Variants in GLUD1 observed in about 807,000 individuals in gnomAD.
GLUD1 encodes glutamate dehydrogenase 1, mitochondrial.
In GLUD1, 22 loss-of-function variants were observed where a neutral mutation model predicts 56.0. The observed-to-expected ratio is 0.39, with a 90% CI of 0.28 to 0.56. GLUD1 has a LOEUF of 0.56. Ranked by LOEUF, GLUD1 falls within the 20% of genes least tolerant of loss-of-function variation. GLUD1 has a pLI of 0.58. For synonymous variants in GLUD1, 223 were observed against 269.9 expected (o/e 0.83, Z 1.70); for missense variants, 451 against 732.0 (o/e 0.62, Z 4.43).
chr10:87,090,754 T>C (rs1841492885), intron 1 of GLUD1, among the ~76,000 whole-genome samples: 1 of 152,230 alleles, frequency 6.6e-6, no homozygotes, highest in South Asian at 2.1e-4. Flanking sequence ...TGGCAGCAGA[T>C]GCAGACACAC....
At position 87,059,190 on chromosome 10, in the gene GLUD1, C is replaced by T; in HGVS notation, c.1362G>A (p.Leu454=). Residue 454 remains leucine (L), a synonymous_variant, in exon 10 of 13, where the codon TTG becomes TTA. Transcript: ENST00000277865. The part of the protein sequence containing the change: ...KNLNHVSYGR[L]TFKYERDSNY... ...TAGAATCCCTTTCATATTTGAAGGT[C>T]AAACGGCCATAGCTGACATGATTTA... 6.2e-7 allele frequency: 1 copy of T among 1,613,656 alleles called. No individual in the cohort carries two copies. The highest frequency in any genetic ancestry group is 2.2e-5 in the East Asian group (1 of 44,856).
At chr10:87,088,804 T>TA (rs1408646151) in intron 1 of GLUD1, among the ~76,000 whole-genome samples, 2 of 152,220 alleles carry the variant, frequency 1.3e-5, no homozygotes, top group Non-Finnish European at 1.5e-5. Context: ...TCTTAGTTTT[T>TA]AATGAAGAAA....
intron 4 of GLUD1, among the ~76,000 whole-genome samples, chr10:87,070,998 G>T (rs1420299545): frequency 6.6e-6 from 1 of 151,012 alleles, no homozygotes; most frequent in Non-Finnish European, 1.5e-5. Flanking sequence ...GCGTGGTGGC[G>T]GGCGCCTGTA....
chr10:87,069,907 C>T (rs1213314954), intron 4 of GLUD1, among the ~76,000 whole-genome samples: 1 of 152,202 alleles, frequency 6.6e-6, no homozygotes, highest in African/African-American at 2.4e-5. Context: ...CTAATCCCCA[C>T]TGCACTTGGA....
chr10:87,094,481 G>C lies in GLUD1; in HGVS notation c.289C>G (p.Gln97Glu). ...EDLRTRESEE[Q>E]KRNRVRGILR... ...ATGCCGCGCACCCGGTTCCGCTTCT[G>C]CTCCTCGCTCTCCCGGGTCCTCAGG... The change falls in exon 1 of 13, where the codon CAG (glutamine) becomes GAG (glutamate). Residue 97 changes from glutamine to glutamate, a missense_variant. Gln to Glu is a conservative substitution (Grantham distance 29). Around this residue, in one of 4 missense-constraint regions of GLUD1, gnomAD observed 158 missense variants for 189.7 expected, o/e 0.83. Transcript: ENST00000277865. This position sits in a 1 kb window ranked among gnomAD's most constrained non-coding sequence, Gnocchi z 6.6. 1 of 1,613,652 alleles carries C rather than the reference G, an allele frequency of 6.2e-7. No individual in the cohort carries two copies. Among genetic ancestry groups the C allele is most frequent in the Non-Finnish European group, 8.5e-7 (1 of 1,179,976 alleles).
intron 11 of GLUD1, among the ~76,000 whole-genome samples, chr10:87,053,831 T>G (rs1248026453): frequency 6.6e-6 from 1 of 152,140 alleles, no homozygotes; most frequent in Non-Finnish European, 1.5e-5. Flanking sequence ...GAAAGGAATC[T>G]GATTAAACCC....
chr10:87,063,404 A>G (rs1436149943), intron 5 of GLUD1, among the ~76,000 whole-genome samples: 2 of 152,198 alleles, frequency 1.3e-5, no homozygotes, highest in African/African-American at 4.8e-5. Flanking sequence ...AGAAAAAACA[A>G]GAGTGTAGGG....
intron 4 of GLUD1, among the ~76,000 whole-genome samples, chr10:87,069,511 T>C (rs1191770119): frequency 6.8e-6 from 1 of 147,634 alleles, no homozygotes; most frequent in Non-Finnish European, 1.5e-5. Flanking sequence ...TAAGACTCTG[T>C]TTCAAAAAAA....
At chr10:87,091,169 A>G (rs564412477) in intron 1 of GLUD1, among the ~76,000 whole-genome samples, 2 of 152,316 alleles carry the variant, frequency 1.3e-5, no homozygotes, top group South Asian at 4.1e-4. Context: ...TATGTAAATT[A>G]TGATAATTTT....
At chr10:87,064,246 T>G (rs951417932) in intron 5 of GLUD1, among the ~76,000 whole-genome samples, 3 of 152,172 alleles carry the variant, frequency 2.0e-5, no homozygotes, top group African/African-American at 7.2e-5. Flanking sequence ...GTGTATATTC[T>G]TGTTCAGAAA....
At chr10:87,056,428 G>T (rs1417826161) in intron 11 of GLUD1, among the ~76,000 whole-genome samples, 1 of 151,642 alleles carries the variant, frequency 6.6e-6, no homozygotes, top group African/African-American at 2.4e-5. Context: ...CGAGTAGCTG[G>T]GACTACAGGT....
intron 5 of GLUD1, among the ~76,000 whole-genome samples, chr10:87,064,165 G>A (rs757818330): frequency 1.6e-4 from 25 of 152,100 alleles, no homozygotes; most frequent in African/African-American, 4.8e-4. Flanking sequence ...CACCCGCCTC[G>A]GCCTCCCAAA....
At chr10:87,056,325 T>A (rs1266289514) in intron 11 of GLUD1, among the ~76,000 whole-genome samples, 3 of 147,286 alleles carry the variant, frequency 2.0e-5, no homozygotes, top group African/African-American at 7.5e-5. Flanking sequence ...GGAGTTTCGC[T>A]CTTGTTGCCC....
At position 87,094,110 on chromosome 10, in the gene GLUD1, G is replaced by C; in HGVS notation, c.445+215C>G. The C allele has an allele frequency of 6.7e-7, 1 of 1,501,524 alleles. No homozygotes were observed. Among genetic ancestry groups the C allele is most frequent in the Non-Finnish European group, 8.9e-7 (1 of 1,126,694 alleles). The allele number at this position is 1,501,524 out of a possible 1,614,324, so 93.0% of individuals were successfully genotyped here. ...TACAGAGGCCCGGGGTGACGGCGCG[G>C]GGGAGGGGGCAGGCCAATCGCATGA... On this transcript the variant is annotated intron_variant, in intron 1 of 12. Coordinates refer to ENST00000277865, the MANE Select transcript of GLUD1 (RefSeq NM_005271.5). This position sits in a 1 kb window ranked among gnomAD's most constrained non-coding sequence, Gnocchi z 6.6.
Position 87,057,677 on chromosome 10 carries a change from G to A in GLUD1, c.1494+14C>T, listed in dbSNP as rs771182791. The A allele has an allele frequency of 5.9e-6, 8 of 1,349,318 alleles. No homozygotes were observed. Among genetic ancestry groups the A allele is most frequent in the Non-Finnish European group, 1.1e-6 (1 of 938,376 alleles). 83.6% of individuals were successfully genotyped at this position (1,349,318 alleles called of 1,614,324 possible). ...AGCATGTGTGAAGTACAACTGTGGG[G>A]TCACCACACTCACCGATATCCTGTC... On this transcript the variant is annotated intron_variant, in intron 11 of 12. Coordinates refer to ENST00000277865, the MANE Select transcript of GLUD1 (RefSeq NM_005271.5).
chr10:87,053,322 A>G lies in GLUD1; in HGVS notation c.1557+20T>C, dbSNP rs1356629407. On this transcript the variant is annotated intron_variant, in intron 12 of 12. Transcript: ENST00000277865. ...ACTTCATGTGACTAGCTGGAAGGCA[A>G]ACAGCATCTGCACACATACCCTGGC... The G allele has an allele frequency of 3.2e-6, 5 of 1,574,182 alleles. No individual in the cohort carries two copies. The highest frequency in any genetic ancestry group is 4.4e-6 in the Non-Finnish European group (5 of 1,143,564).
At chr10:87,059,404 AT>A in intron 9 of GLUD1, 131 bp from the exon 10 acceptor site, 1 of 896,898 alleles carries the variant, frequency 1.1e-6, no homozygotes. Context: ...TTTAGCCAGT[AT>A]CAGGAATTTC....
chr10:87,061,318 T>A, intron 6 of GLUD1: 1 of 569,944 alleles, frequency 1.8e-6, no homozygotes, highest in Non-Finnish European at 3.3e-6. Flanking sequence ...GGTCAGGAGT[T>A]CGAGATCAGC....
intron 1 of GLUD1, among the ~76,000 whole-genome samples, chr10:87,079,260 T>C (rs1425633370): frequency 6.7e-6 from 1 of 149,594 alleles, no homozygotes; most frequent in Non-Finnish European, 1.5e-5. Context: ...TTAAGATGAA[T>C]CATTTGTATC....
Sources: allele counts gnomAD v4.1 joint callset (sites outside exome capture counted in the v4.1 genomes callset), GRCh38; gene constraint gnomAD v4.1.1; regional missense constraint gnomAD v4.1.1; non-coding constraint Gnocchi (gnomAD v3.1); transcripts MANE v1.5; gene names NCBI Gene and HGNC (gene_info 2026-07-23, HGNC 2026-07-21).